CHN1: variants seen among roughly 807,000 people sequenced by gnomAD.
CHN1 encodes the protein chimerin 1.
Under a neutral mutation model 59.5 loss-of-function variants are expected in CHN1, and 37 were observed. The observed-to-expected ratio is 0.62, with a 90% confidence interval of 0.48 to 0.82. The LOEUF (loss-of-function observed/expected upper bound fraction) is 0.82. Ranked by LOEUF, CHN1 falls within the 40% of genes least tolerant of loss-of-function variation. CHN1 has a pLI of 0.00. For synonymous variants in CHN1, 206 were observed against 200.4 expected (o/e 1.03, Z -0.24); for missense variants, 469 against 571.0 (o/e 0.82, Z 1.82).
rs1692015552 is a variant in CHN1, at chr2:175,004,943, CAGGCG to C, written c.-36_-32del. 5.2e-6 allele frequency: 8 copies of C among 1,527,510 alleles called. No individual in the cohort carries two copies. The highest frequency in any genetic ancestry group is 7.0e-6 in the Non-Finnish European group (8 of 1,140,814). 94.6% of individuals were successfully genotyped at this position (1,527,510 alleles called of 1,614,324 possible). On this transcript the variant is annotated 5_prime_UTR_variant, in exon 1 of 13. Coordinates refer to ENST00000409900, the MANE Select transcript of CHN1 (RefSeq NM_001822.7). ...AGGCGCTCGCCGCCGCCCGCGAGTC[CAGGCG>C]CTCCTCCCAGGCGGGCTAGGGATCA...
At position 174,806,522 on chromosome 2, in the gene CHN1, TG is replaced by T. The variant is rs1430670706; in HGVS notation, c.1102+2382del. ...AAAGGGGTTCTTCCTTCTTCCCTTG[TG>T]TAAGTCTCATTCCCTGTTCTATCAA... On this transcript the variant is annotated intron_variant, in intron 11 of 12. Coordinates refer to ENST00000409900, the MANE Select transcript of CHN1 (RefSeq NM_001822.7). 2.6e-5 allele frequency among the ~76,000 whole-genome samples: 4 copies of T among 152,298 alleles called. No homozygotes were observed. In the South Asian group the frequency reaches 6.2e-4, roughly 24 times the overall value.
rs183058625 is a variant in CHN1 at position 174,996,958 on chromosome 2, G to A, written c.19+7936C>T. Among the ~76,000 whole-genome samples the A allele has an allele frequency of 5.9e-5, 9 of 152,136 alleles. No individual in the cohort carries two copies. In the East Asian group the frequency reaches 9.7e-4, roughly 16 times the overall value. ...CTGTGAGGCCTACCCCCTCTCCCCC[G>A]ACATTGTGAGACAGGTAACCCCTTA... is the stretch of plus-strand genomic sequence containing the variant. On this transcript the variant is annotated intron_variant, in intron 1 of 12. Coordinates refer to ENST00000409900, the MANE Select transcript of CHN1 (RefSeq NM_001822.7).
intron 1 of CHN1, among the ~76,000 whole-genome samples, chr2:174,980,794 AT>A (rs1471661648): frequency 1.3e-5 from 2 of 152,192 alleles, no homozygotes; most frequent in Admixed American, 6.5e-5. Flanking sequence ...TATGTTAGAA[AT>A]ACCTGAGGAA....
At chr2:174,826,527 A>G (rs938742380) in intron 7 of CHN1, among the ~76,000 whole-genome samples, 5 of 152,228 alleles carry the variant, frequency 3.3e-5, no homozygotes, top group Non-Finnish European at 7.3e-5. Flanking sequence ...ATGCAATGAA[A>G]GTATGAAGGA....
intron 11 of CHN1, among the ~76,000 whole-genome samples, chr2:174,807,494 G>A (rs1176186023): frequency 6.9e-6 from 1 of 145,546 alleles, no homozygotes; most frequent in Non-Finnish European, 1.5e-5. Context: ...GTGTGTGTGT[G>A]TGTGTGTGTG....
At chr2:174,904,027 C>A (rs1268529672) in intron 5 of CHN1, among the ~76,000 whole-genome samples, 3 of 152,088 alleles carry the variant, frequency 2.0e-5, no homozygotes, top group Non-Finnish European at 4.4e-5. Flanking sequence ...CTTTTGGAGG[C>A]TGAGGCAGGT....
At chr2:174,946,889 T>C (rs1022359346) in intron 2 of CHN1, among the ~76,000 whole-genome samples, 27 of 115,336 alleles carry the variant, frequency 2.3e-4, no homozygotes, top group African/African-American at 7.6e-4. Context: ...AGACCCTGTC[T>C]CTAAAAAATG....
chr2:174,809,329 T>G (rs1685002035), intron 10 of CHN1, among the ~76,000 whole-genome samples: 1 of 152,228 alleles, frequency 6.6e-6, no homozygotes, highest in Non-Finnish European at 1.5e-5. Context: ...ACTGTGTGAT[T>G]ATTATTTAAT....
At chr2:174,961,261 C>T (rs1403183115) in intron 1 of CHN1, among the ~76,000 whole-genome samples, 1 of 149,640 alleles carries the variant, frequency 6.7e-6, no homozygotes, top group Non-Finnish European at 1.5e-5. Flanking sequence ...CAGGCAGAAA[C>T]TTGAATCATA....
intron 1 of CHN1, among the ~76,000 whole-genome samples, chr2:174,998,846 C>T (rs981608969): frequency 2.6e-5 from 4 of 151,994 alleles, no homozygotes; most frequent in African/African-American, 9.7e-5. Flanking sequence ...GGATATAAAA[C>T]CATTCTTTTC....
chr2:174,976,633 G>A lies in CHN1; in HGVS notation c.20-24431C>T, dbSNP rs191425588. Among the ~76,000 whole-genome samples the A allele has an allele frequency of 3.3e-5, 5 of 152,218 alleles. No homozygotes were observed. In the East Asian group the frequency reaches 9.6e-4, roughly 29 times the overall value. On this transcript the variant is annotated intron_variant, in intron 1 of 12. Transcript: ENST00000409900. The stretch of plus-strand genomic sequence containing the variant: ...TAAATTCTAGTTTATCATTACTTCT[G>A]GTTTTTCCTCTTGCACTTGCATCTT...
chr2:174,976,601 T>A (rs964130163), intron 1 of CHN1, among the ~76,000 whole-genome samples: 11 of 152,194 alleles, frequency 7.2e-5, no homozygotes, highest in African/African-American at 2.4e-4. Flanking sequence ...TTCAAAAGTA[T>A]CTTCATTAAA....
At chr2:174,953,840 T>A (rs1030177854) in intron 1 of CHN1, among the ~76,000 whole-genome samples, 11 of 152,102 alleles carry the variant, frequency 7.2e-5, no homozygotes, top group African/African-American at 1.7e-4. Flanking sequence ...ATGCATAGCA[T>A]CAATATTGTG....
At chr2:174,868,459 C>T (rs1687299050) in intron 6 of CHN1, among the ~76,000 whole-genome samples, 1 of 152,104 alleles carries the variant, frequency 6.6e-6, no homozygotes, top group Non-Finnish European at 1.5e-5. Flanking sequence ...TGGCTGCTTC[C>T]TTAGAGAGCA....
At chr2:174,947,332 A>G (rs1689870613) in intron 2 of CHN1, among the ~76,000 whole-genome samples, 1 of 152,268 alleles carries the variant, frequency 6.6e-6, no homozygotes, top group South Asian at 2.1e-4. Context: ...TAAGTCACAT[A>G]AGGTTATTTA....
intron 1 of CHN1, among the ~76,000 whole-genome samples, chr2:174,979,410 C>T (rs866396616): frequency 2.4e-4 from 36 of 152,292 alleles, no homozygotes; most frequent in African/African-American, 7.2e-4. Context: ...TAATATATGA[C>T]TTAAGCCAGA....
chr2:174,918,835 T>A (rs1014707910), intron 3 of CHN1, among the ~76,000 whole-genome samples: 2 of 151,820 alleles, frequency 1.3e-5, no homozygotes, highest in African/African-American at 4.9e-5. Context: ...CTGAAAAAAA[T>A]TTCACTTTAT....
intron 1 of CHN1, among the ~76,000 whole-genome samples, chr2:174,996,492 A>C (rs34464761): frequency 0.053 from 8,005 of 152,238 alleles, 272 homozygotes; most frequent in African/African-American, 0.095. Context: ...AAATAATCTC[A>C]TTTATTCCTG....
chr2:174,857,609 T>C (rs1686944860), intron 6 of CHN1, among the ~76,000 whole-genome samples: 1 of 152,186 alleles, frequency 6.6e-6, no homozygotes, highest in African/African-American at 2.4e-5. Context: ...GATGGTTGTA[T>C]AACAACATTC....
Sources: allele counts gnomAD v4.1 joint callset (sites outside exome capture counted in the v4.1 genomes callset), GRCh38; gene constraint gnomAD v4.1.1; transcripts MANE v1.5; gene names NCBI Gene and HGNC (gene_info 2026-07-23, HGNC 2026-07-21).